CD244: variants seen among roughly 807,000 people sequenced by gnomAD.
CD244 encodes the protein natural killer cell receptor 2B4.
A neutral mutation model predicts 45.5 loss-of-function variants in CD244; 20 were observed. The observed-to-expected ratio is 0.44, with a 90% CI of 0.31 to 0.64. The LOEUF is 0.64. Ranked by LOEUF, CD244 falls within the 30% of genes least tolerant of loss-of-function variation. CD244 has a pLI of 0.08. For missense variants in CD244, 407 were observed against 426.9 expected (o/e 0.95, Z 0.41); for synonymous variants, 185 against 160.5 (o/e 1.15, Z -1.15).
intron 1 of CD244, among the ~76,000 whole-genome samples, chr1:160,849,124 T>C (rs1255788473): frequency 6.6e-6 from 1 of 152,122 alleles, no homozygotes; most frequent in Non-Finnish European, 1.5e-5. Flanking sequence ...CAGAATACAT[T>C]ATTCAGTTTG....
intron 1 of CD244, chr1:160,847,884 A>G (rs1442692643): frequency 6.5e-6 from 1 of 154,000 alleles, no homozygotes; most frequent in Non-Finnish European, 1.4e-5. Context: ...AATAAAATAA[A>G]AAGCAAATAC....
At position 160,830,911 on chromosome 1, in the gene CD244, C is replaced by G. The variant is rs1209499645; in HGVS notation, c.*436G>C. The G allele has an allele frequency of 6.2e-6, 1 of 161,538 alleles. No homozygotes were observed. Among genetic ancestry groups the G allele is most frequent in the Non-Finnish European group, 1.4e-5 (1 of 73,082 alleles). 10.0% of individuals were successfully genotyped at this position (161,538 alleles called of 1,614,324 possible). ...AGGGCTGTTTCTTCTTCCCCTGAGT[C>G]ACCATTATCATTCCTTCCTCTTGCT... is the stretch of plus-strand genomic sequence containing the variant. On this transcript the variant is annotated 3_prime_UTR_variant, in exon 9 of 9. Coordinates refer to ENST00000368034, the MANE Select transcript of CD244 (RefSeq NM_016382.4).
chr1:160,836,140 C>A, intron 6 of CD244, 55 bp downstream of exon 6: 4 of 1,304,970 alleles, frequency 3.1e-6, no homozygotes, highest in Non-Finnish European at 4.5e-6. Context: ...TTCAGGGGGG[C>A]ATTAGGAAAC....
intron 1 of CD244, among the ~76,000 whole-genome samples, chr1:160,846,526 C>A (rs1027520972): frequency 6.6e-6 from 1 of 151,980 alleles, no homozygotes. Context: ...GTTAGCTGAG[C>A]GTGGTGGCAC....
intron 1 of CD244, among the ~76,000 whole-genome samples, chr1:160,860,198 A>C (rs768097091): frequency 2.6e-5 from 4 of 152,042 alleles, no homozygotes; most frequent in Admixed American, 6.6e-5. Flanking sequence ...ACAGAGCGAG[A>C]CTCCATCTCT....
At chr1:160,831,449 T>C in intron 8 of CD244, 22 bp from the exon 9 acceptor site, 1 of 1,564,582 alleles carries the variant, frequency 6.4e-7, no homozygotes, top group Non-Finnish European at 8.8e-7. Context: ...AAGGAGAAAC[T>C]TCAGACCCTT....
intron 1 of CD244, among the ~76,000 whole-genome samples, chr1:160,843,659 T>G (rs1669624879): frequency 6.6e-6 from 1 of 152,224 alleles, no homozygotes; most frequent in Non-Finnish European, 1.5e-5. Flanking sequence ...GGTTAAGACA[T>G]GCTAACCAAT....
At chr1:160,853,010 T>A (rs968214655) in intron 1 of CD244, among the ~76,000 whole-genome samples, 1 of 151,482 alleles carries the variant, frequency 6.6e-6, no homozygotes, top group African/African-American at 2.4e-5. Flanking sequence ...GCAACAAGAG[T>A]GAAACTCCGT....
Position 160,839,692 on chromosome 1 carries a change from G to T in CD244, c.656-643C>A, listed in dbSNP as rs1033168952. ...AAAAACTGCACCTGTTTATGCCAGG[G>T]ACTTAAACATTCGTGGATCTTGGCA... On this transcript the variant is annotated intron_variant, in intron 3 of 8. Transcript: ENST00000368034. Among the ~76,000 whole-genome samples, 5 of 152,198 alleles carry T rather than the reference G, an allele frequency of 3.3e-5. No individual in the cohort carries two copies. The South Asian group carries it at 1.0e-3, about 32-fold the overall frequency.
At chr1:160,837,288 C>G (rs1216949537) in intron 5 of CD244, among the ~76,000 whole-genome samples, 3 of 152,178 alleles carry the variant, frequency 2.0e-5, no homozygotes, top group African/African-American at 7.2e-5. Flanking sequence ...AATCTCAAGT[C>G]ATCTTCTTTT....
chr1:160,837,368 G>A (rs1321791728), intron 5 of CD244, among the ~76,000 whole-genome samples: 3 of 152,148 alleles, frequency 2.0e-5, no homozygotes, highest in African/African-American at 7.2e-5. Flanking sequence ...ATGCTTTCAG[G>A]AATTTGTACC....
Position 160,859,239 on chromosome 1 carries a change from C to T in CD244, c.61+3378G>A, listed in dbSNP as rs531506946. Among the ~76,000 whole-genome samples the T allele has an allele frequency of 2.3e-3, 357 of 152,182 alleles. 1 individual carries two copies. Among genetic ancestry groups the T allele is most frequent in the African/African-American group, 8.4e-3 (347 of 41,518 alleles). ...AGAAAACTGTGGATACAACAGAGAGCGAGGTCCAGGACCAGCAGGCAACAT... is the reference window on the plus strand; with the variant it reads ...AGAAAACTGTGGATACAACAGAGAGTGAGGTCCAGGACCAGCAGGCAACAT... On this transcript the variant is annotated intron_variant, in intron 1 of 8. Coordinates refer to ENST00000368034, the MANE Select transcript of CD244 (RefSeq NM_016382.4).
In CD244 at chr1:160,862,653, T is replaced by G. The variant is rs149914624; in HGVS notation, c.25A>C (p.Ile9Leu). 4 of 1,614,046 alleles carry G rather than the reference T, an allele frequency of 2.5e-6. No homozygotes were observed. The highest frequency in any genetic ancestry group is 3.4e-6 in the Non-Finnish European group (4 of 1,179,948). Residue 9 changes from isoleucine (I) to leucine (L), a missense_variant, in exon 1 of 9, where the codon ATA (isoleucine) becomes CTA (leucine). Physicochemically the swap from Ile to Leu is conservative, Grantham distance 5. Coordinates refer to ENST00000368034, the MANE Select transcript of CD244 (RefSeq NM_016382.4). MLGQVVTL[I>L]LLLLLKVYQG... ...TACACCTTGAGGAGCAGGAGGAGTA[T>G]GAGGGTGACCACTTGCCCCAGCATT... is the stretch of plus-strand genomic sequence containing the variant.
chr1:160,834,025 C>G (rs911433727), intron 7 of CD244, 26 bp downstream of exon 7: 10 of 1,522,098 alleles, frequency 6.6e-6, no homozygotes, highest in Non-Finnish European at 9.1e-6. Flanking sequence ...AACAACACCC[C>G]ACCACCACCA....
intron 1 of CD244, among the ~76,000 whole-genome samples, 197 bp downstream of exon 1, chr1:160,862,420 A>G (rs982411330): frequency 6.6e-6 from 1 of 152,206 alleles, no homozygotes; most frequent in Non-Finnish European, 1.5e-5. Flanking sequence ...GCAGGGCCAG[A>G]TACCCCTCTC....
chr1:160,838,395 T>G (rs758689049), intron 5 of CD244, 56 bp downstream of exon 5: 4 of 1,267,256 alleles, frequency 3.2e-6, no homozygotes, highest in Non-Finnish European at 4.6e-6. Flanking sequence ...TAACCATCAT[T>G]GAAAGAGCAT....
At chr1:160,846,442 G>T (rs1405363090) in intron 1 of CD244, among the ~76,000 whole-genome samples, 1 of 152,220 alleles carries the variant, frequency 6.6e-6, no homozygotes, top group African/African-American at 2.4e-5. Context: ...TGAAGCAGGT[G>T]AATCAGTTGA....
intron 1 of CD244, among the ~76,000 whole-genome samples, chr1:160,849,304 C>T (rs79735102): frequency 0.22 from 23,586 of 107,928 alleles, 2,221 homozygotes; most frequent in Non-Finnish European, 0.28. Context: ...TTTTGTTTTA[C>T]TTTAAGTTCT....
intron 1 of CD244, chr1:160,848,242 C>A: frequency 1.8e-6 from 1 of 555,948 alleles, no homozygotes. Context: ...GCAAGTTCAT[C>A]TATGGGGTGA....
Sources: gnomAD v4.1 joint callset for allele counts (sites outside exome capture counted in the v4.1 genomes callset) on GRCh38, gnomAD v4.1.1 for gene constraint, MANE v1.5 for transcripts, NCBI Gene and HGNC (gene_info 2026-07-23, HGNC 2026-07-21) for gene names.